The following DENND1C variants were observed in gnomAD, a reference collection of about 807,000 sequenced individuals.
DENND1C encodes the protein DENN domain containing 1C, also known as DENN domain-containing protein 1C.
DENND1C carries 64 observed loss-of-function variants against 87.9 expected under a neutral mutation model. The observed-to-expected ratio is 0.73, with a 90% CI of 0.60 to 0.90. The LOEUF is 0.90. Among genes scored for constraint, DENND1C ranks in the 40% least tolerant of loss-of-function variants. The probability of loss-of-function intolerance (pLI) is 0.00; values close to 1 mark genes in which losing one functional copy is unlikely to be tolerated. For synonymous variants in DENND1C, 384 were observed against 424.4 expected (o/e 0.90, Z 1.17); for missense variants, 980 against 1,037.0 (o/e 0.95, Z 0.76).
intron 10 of DENND1C, 38 bp from the exon 11 acceptor site, chr19:6,475,975 AC>A: frequency 6.6e-7 from 1 of 1,505,114 alleles, no homozygotes; most frequent in South Asian, 1.3e-5. Flanking sequence ...CAGGGCCTGG[AC>A]CCTCTAGCGC....
Position 6,473,078 on chromosome 19 carries a change from A to G in DENND1C, c.1054-85T>C, listed in dbSNP as rs1422999940. ...CTATATATTTATGTAGCAAACATTGATTAGGCACTTGCTGTGTGTCTGATC... is the reference window on the plus strand; with the variant it reads ...CTATATATTTATGTAGCAAACATTGGTTAGGCACTTGCTGTGTGTCTGATC... On this transcript the variant is annotated intron_variant, in intron 14 of 22. Coordinates refer to ENST00000381480, the MANE Select transcript of DENND1C (RefSeq NM_024898.4). 4.0e-6 allele frequency: 4 copies of G among 1,003,500 alleles called. No homozygotes were observed. In the Admixed American group the frequency reaches 1.1e-4, roughly 27 times the overall value. 62.2% of individuals were successfully genotyped at this position (1,003,500 alleles called of 1,614,324 possible).
In DENND1C at chr19:6,480,061, G is replaced by A. The variant is rs1279073486; in HGVS notation, c.18-10C>T. 6.2e-7 allele frequency: 1 copy of A among 1,602,836 alleles called. No individual in the cohort carries two copies. Among genetic ancestry groups the A allele is most frequent in the Non-Finnish European group, 8.5e-7 (1 of 1,175,554 alleles). On this transcript the variant is annotated splice_polypyrimidine_tract_variant and intron_variant, in intron 1 of 22. Coordinates refer to ENST00000381480, the MANE Select transcript of DENND1C (RefSeq NM_024898.4). The stretch of plus-strand genomic sequence containing the variant: ...AGCAGGGGAGCCCCCTCTGTGGGAT[G>A]CAGAAGGGGTCCAGAGACTTGCTTC...
At chr19:6,474,083 T>C (rs1207144646) in intron 14 of DENND1C, among the ~76,000 whole-genome samples, 1 of 151,580 alleles carries the variant, frequency 6.6e-6, no homozygotes, top group Non-Finnish European at 1.5e-5. Context: ...TAATCCCAGC[T>C]ATTCAGGAGG....
chr19:6,475,870 G>A lies in DENND1C; in HGVS notation c.746C>T (p.Pro249Leu), dbSNP rs1209007057. ...YPMRWEHVLI[P>L]TLPPHLLDYC... is the part of the protein sequence containing the mutation. ...GTCCAGCAGGTGTGGGGGCAGCGTG[G>A]GGATCAGCACGTGCTCCCAGCGCAT... Residue 249 changes from proline to leucine, a missense_variant, in exon 11 of 23, where the codon CCC (proline) becomes CTC (leucine). Pro to Leu is a moderately conservative substitution (Grantham distance 98). Transcript: ENST00000381480. 16 of 1,556,336 alleles carry A rather than the reference G, an allele frequency of 1.0e-5. No homozygotes were observed. Among genetic ancestry groups the A allele is most frequent in the Admixed American group, 2.0e-5 (1 of 48,926 alleles).
rs771221858 is a variant in DENND1C, at chr19:6,474,996, G to A, written c.1053+278C>T. Among the ~76,000 whole-genome samples the A allele has an allele frequency of 9.6e-4, 146 of 152,018 alleles. 2 individuals are homozygous for A. Among genetic ancestry groups the A allele is most frequent in the Non-Finnish European group, 1.8e-3 (119 of 67,968 alleles). On this transcript the variant is annotated intron_variant, in intron 14 of 22. Coordinates refer to ENST00000381480, the MANE Select transcript of DENND1C (RefSeq NM_024898.4). ...AGGCAGGAGAATCGCTTGAACCCGG[G>A]AGGCACTCCAGCCTGGGGAACAGAG...
chr19:6,469,973 G>C, intron 18 of DENND1C: 1 of 424,868 alleles, frequency 2.4e-6, no homozygotes, highest in South Asian at 3.2e-5. Context: ...CTGAGCTTGG[G>C]AGATAAAAGG....
intron 6 of DENND1C, 87 bp from the exon 7 acceptor site, chr19:6,477,545 G>T: frequency 8.0e-7 from 1 of 1,245,256 alleles, no homozygotes; most frequent in Non-Finnish European, 1.1e-6. Context: ...TGAGTGGTCT[G>T]GGAGGAGCCA....
intron 4 of DENND1C, 106 bp downstream of exon 4, chr19:6,479,563 C>G: frequency 6.9e-7 from 1 of 1,441,490 alleles, no homozygotes; most frequent in Non-Finnish European, 9.7e-7. Context: ...TCTCAGGGTC[C>G]TCGAGTGTAT....
Position 6,472,959 on chromosome 19 carries a change from A to G in DENND1C, c.1088T>C (p.Leu363Ser), listed in dbSNP as rs1004774513. 2 of 1,586,774 alleles carry G rather than the reference A, an allele frequency of 1.3e-6. No homozygotes were observed. The highest frequency in any genetic ancestry group is 1.4e-5 in the African/African-American group (1 of 74,040). Residue 363 changes from leucine (L) to serine (S), a missense_variant, in exon 15 of 23, where the codon TTG (leucine) becomes TCG (serine). Coordinates refer to ENST00000381480, the MANE Select transcript of DENND1C (RefSeq NM_024898.4). ...CAGAGGTGCCCCAGGCTTCTGGGCC[A>G]AGAAGACTTCCTCACTGAAGGTCAC... is the stretch of plus-strand genomic sequence containing the variant. ...QPVTFSEEVF[L>S]AQKPGAPLQA... is the part of the protein sequence containing the mutation.
Position 6,476,947 on chromosome 19 carries a change from C to T in DENND1C, c.588G>A (p.Val196=), listed in dbSNP as rs958513982. The change falls in exon 10 of 23, where the codon GTG becomes GTA. Residue 196 remains valine, a synonymous_variant. Coordinates refer to ENST00000381480, the MANE Select transcript of DENND1C (RefSeq NM_024898.4). ...IPENRNLTEL[V]VAVTDENIVG... ...CGATGTTCTCGTCAGTCACGGCCAC[C>T]ACCAGCTCCGTTAGGTTCCTCTGAG... 3.1e-6 allele frequency: 5 copies of T among 1,613,602 alleles called. No individual in the cohort carries two copies. In the African/African-American group the frequency reaches 6.7e-5, roughly 22 times the overall value.
In DENND1C at chr19:6,470,277, T is replaced by G. The variant is rs773411611; in HGVS notation, c.1362+18A>C. The G allele has an allele frequency of 5.0e-6, 8 of 1,599,124 alleles. No homozygotes were observed. The South Asian group carries it at 6.8e-5, about 14-fold the overall frequency. ...CCTCGTCACCCCAGCAAGAGTGGCCTGTCCAGCTCAGCCTCACCGAGCGGT... is the reference window on the plus strand; with the variant it reads ...CCTCGTCACCCCAGCAAGAGTGGCCGGTCCAGCTCAGCCTCACCGAGCGGT... On this transcript the variant is annotated intron_variant, in intron 18 of 22. Coordinates refer to ENST00000381480, the MANE Select transcript of DENND1C (RefSeq NM_024898.4).
At chr19:6,476,651 C>T (rs1358470040) in intron 10 of DENND1C, 2 of 577,814 alleles carry the variant, frequency 3.5e-6, no homozygotes, top group East Asian at 5.9e-5. Context: ...GCACAGTACT[C>T]CCAAAAAGGA....
Position 6,471,712 on chromosome 19 carries a change from G to A in DENND1C, c.1159-216C>T, listed in dbSNP as rs56915116. 7.0e-3 allele frequency among the ~76,000 whole-genome samples: 1,070 copies of A among 152,032 alleles called. 13 individuals are homozygous for A. The highest frequency in any genetic ancestry group is 0.025 in the African/African-American group (1,028 of 41,474). On this transcript the variant is annotated intron_variant, in intron 15 of 22. Transcript: ENST00000381480. ...GGCTGGAGTGCAGTGGCGTGATCTC[G>A]GCTCGCTGCAACCTCCGCTTCCCGG...
chr19:6,468,516 A>G, intron 21 of DENND1C, 62 bp downstream of exon 21: 3 of 1,558,626 alleles, frequency 1.9e-6, no homozygotes, highest in Non-Finnish European at 2.6e-6. Context: ...GAGTTTGGGA[A>G]CCCTCCTCCC....
Position 6,478,737 on chromosome 19 carries a change from G to T in DENND1C, c.366+46C>A. 1.9e-6 allele frequency: 3 copies of T among 1,575,938 alleles called. No individual in the cohort carries two copies. The South Asian group carries it at 3.5e-5, about 18-fold the overall frequency. On this transcript the variant is annotated intron_variant, in intron 6 of 22. Transcript: ENST00000381480. The stretch of plus-strand genomic sequence containing the variant: ...GGGAGGGGTTGGGAGGTTGAGGGGG[G>T]TGGGGGCTGGGACTCCCACAGGAGT...
chr19:6,475,625 C>A (rs377386140), intron 12 of DENND1C, 40 bp from the exon 13 acceptor site: 5 of 1,613,594 alleles, frequency 3.1e-6, no homozygotes, highest in Non-Finnish European at 4.2e-6. Flanking sequence ...GCCCGGGAGT[C>A]CTTGGCAGAG....
chr19:6,469,867 G>A, intron 18 of DENND1C: 2 of 566,206 alleles, frequency 3.5e-6, no homozygotes, highest in South Asian at 4.2e-5. Flanking sequence ...AATGGGGAGT[G>A]GCAAAGCAAC....
rs534036331 is a variant in DENND1C, at chr19:6,479,735, G to T, written c.127-17C>A. ...CATAGCTTCCTGGAGGTGAAGAAAA[G>T]CGCAGACTGCTTGGCCACTGAGGTC... On this transcript the variant is annotated splice_polypyrimidine_tract_variant and intron_variant, in intron 3 of 22. Coordinates refer to ENST00000381480, the MANE Select transcript of DENND1C (RefSeq NM_024898.4). The T allele has an allele frequency of 1.9e-6, 3 of 1,613,924 alleles. No individual in the cohort carries two copies. Among genetic ancestry groups the T allele is most frequent in the African/African-American group, 2.7e-5 (2 of 75,020 alleles).
At position 6,473,043 on chromosome 19, in the gene DENND1C, C is replaced by T. The variant is rs763477689; in HGVS notation, c.1054-50G>A. On this transcript the variant is annotated intron_variant, in intron 14 of 22. Transcript: ENST00000381480. ...GCTCCCTGGGGTGCTCCTGGCCCTC[C>T]CTCATTCTACTATATATTTATGTAG... is the stretch of plus-strand genomic sequence containing the variant. 18 of 1,326,892 alleles carry T rather than the reference C, an allele frequency of 1.4e-5. No individual in the cohort carries two copies. In the Admixed American group the frequency reaches 4.0e-4, roughly 29 times the overall value. The allele number at this position is 1,326,892 out of a possible 1,614,324, so 82.2% of individuals were successfully genotyped here.
Sources: gnomAD v4.1 joint callset for allele counts (sites outside exome capture counted in the v4.1 genomes callset) on GRCh38, gnomAD v4.1.1 for gene constraint, MANE v1.5 for transcripts, NCBI Gene and HGNC (gene_info 2026-07-23, HGNC 2026-07-21) for gene names.